The following STRN variants were observed in gnomAD, a reference collection of about 807,000 sequenced individuals.
STRN encodes striatin.
Under a neutral mutation model 96.3 loss-of-function variants are expected in STRN, and 53 were observed. The observed-to-expected ratio is 0.55, with a 90% CI of 0.44 to 0.69. The LOEUF is 0.69. Ranked by LOEUF, STRN falls within the 30% of genes least tolerant of loss-of-function variation. The pLI is 0.00. For synonymous variants in STRN, 428 were observed against 355.9 expected (o/e 1.20, Z -2.28); for missense variants, 987 against 963.9 (o/e 1.02, Z -0.32).
At chr2:36,902,785 C>T in intron 4 of STRN, 34 bp from the exon 5 acceptor site, 2 of 1,526,184 alleles carry the variant, frequency 1.3e-6, no homozygotes, top group African/African-American at 1.4e-5. Flanking sequence ...TTCAGTCATA[C>T]TGGAATCAGT....
chr2:36,882,938 A>G (rs1211181896), intron 9 of STRN, among the ~76,000 whole-genome samples: 1 of 152,218 alleles, frequency 6.6e-6, no homozygotes. Flanking sequence ...TGTGTCTAAA[A>G]GAAAGAACTG....
chr2:36,893,156 T>A (rs1269650116), intron 7 of STRN, among the ~76,000 whole-genome samples: 1 of 152,126 alleles, frequency 6.6e-6, no homozygotes, highest in Non-Finnish European at 1.5e-5. Flanking sequence ...ACATAGCAGA[T>A]CCTGCTGCTG....
intron 3 of STRN, 31 bp from the exon 4 acceptor site, chr2:36,905,649 CTTGTT>C: frequency 6.3e-7 from 1 of 1,588,724 alleles, no homozygotes; most frequent in Non-Finnish European, 8.6e-7. Context: ...ATAAAACTGA[CTTGTT>C]TTACGTATTA....
In STRN at chr2:36,847,949, T is replaced by C. The variant is rs946604152; in HGVS notation, c.*1507A>G. On this transcript the variant is annotated 3_prime_UTR_variant, in exon 18 of 18. Coordinates refer to ENST00000263918, the MANE Select transcript of STRN (RefSeq NM_003162.4). ...TATTTATATGTTTTTTGGTGGAAAG[T>C]TGGACGTTAATAATTTATTTCCAAT... The C allele has an allele frequency of 1.5e-4, 23 of 152,218 alleles. No individual in the cohort carries two copies. The highest frequency in any genetic ancestry group is 5.3e-4 in the African/African-American group (22 of 41,456). The allele number at this position is 152,218 out of a possible 1,614,324, so 9.4% of individuals were successfully genotyped here. A position where few individuals can be genotyped will look rare whatever the true frequency, so the allele number is the denominator to read the frequency against.
At position 36,888,949 on chromosome 2, in the gene STRN, G is replaced by A. The variant is rs112477776; in HGVS notation, c.932-2123C>T. On this transcript the variant is annotated intron_variant, in intron 7 of 17. Transcript: ENST00000263918. ...TCTTCCCACCTCAGCCTCCCAAAGT[G>A]CTGGGATTACAGGCATGAGCCACTG... 2.2e-3 allele frequency among the ~76,000 whole-genome samples: 339 copies of A among 152,226 alleles called. 1 individual carries two copies. The highest frequency in any genetic ancestry group is 7.5e-3 in the African/African-American group (310 of 41,536).
At chr2:36,872,869 C>CA (rs1668798144) in intron 10 of STRN, among the ~76,000 whole-genome samples, 1 of 152,042 alleles carries the variant, frequency 6.6e-6, no homozygotes, top group Non-Finnish European at 1.5e-5. Flanking sequence ...AAAAAACAGA[C>CA]AAAAAATACT....
intron 1 of STRN, among the ~76,000 whole-genome samples, chr2:36,955,012 T>C (rs1664849654): frequency 6.6e-6 from 1 of 152,202 alleles, no homozygotes; most frequent in East Asian, 1.9e-4. Flanking sequence ...TACTATACCG[T>C]TTCACTAAAT....
chr2:36,855,447 T>G, intron 14 of STRN, 95 bp from the exon 15 acceptor site: 1 of 1,310,014 alleles, frequency 7.6e-7, no homozygotes, highest in East Asian at 2.4e-5. Flanking sequence ...ATGGTTTCCT[T>G]AAGAAGTAAA....
intron 2 of STRN, among the ~76,000 whole-genome samples, chr2:36,917,533 A>G (rs1670136399): frequency 6.8e-6 from 1 of 146,622 alleles, no homozygotes; most frequent in South Asian, 2.1e-4. Context: ...CAAAAACAAA[A>G]AAAAGAAAAA....
At chr2:36,952,057 A>G (rs997233700) in intron 1 of STRN, among the ~76,000 whole-genome samples, 9 of 151,222 alleles carry the variant, frequency 6.0e-5, no homozygotes, top group African/African-American at 1.9e-4. Context: ...ACACGCACGC[A>G]CACACACACA....
chr2:36,957,744 C>T (rs113964105), intron 1 of STRN, among the ~76,000 whole-genome samples: 21,405 of 89,100 alleles, frequency 0.24, 2,637 homozygotes, highest in Non-Finnish European at 0.28. Flanking sequence ...TTCTTTTTGT[C>T]TTTTTTTTTT....
chr2:36,856,312 CTAAG>C (rs2148131146), intron 14 of STRN, among the ~76,000 whole-genome samples: 1 of 152,308 alleles, frequency 6.6e-6, no homozygotes, highest in African/African-American at 2.4e-5. Flanking sequence ...CCCAGCAATT[CTAAG>C]TCTCTACACA....
intron 6 of STRN, among the ~76,000 whole-genome samples, chr2:36,894,550 T>C (rs1409390110): frequency 5.3e-5 from 8 of 152,200 alleles, no homozygotes; most frequent in Non-Finnish European, 5.9e-5. Context: ...AGGGACAATT[T>C]TTGTGATCTA....
intron 11 of STRN, among the ~76,000 whole-genome samples, chr2:36,868,147 A>G (rs1393795603): frequency 6.6e-6 from 1 of 152,226 alleles, no homozygotes; most frequent in Non-Finnish European, 1.5e-5. Context: ...TGAGCTTTGA[A>G]GAGATAAATT....
In STRN at chr2:36,845,987, CCCCCTCCCCA is replaced by C. The variant is rs1668065312; in HGVS notation, c.*3459_*3468del. On this transcript the variant is annotated 3_prime_UTR_variant, in exon 18 of 18. Transcript: ENST00000263918. ...CTCTCTCTCTGTGCCCCCCCTCCCA[CCCCCTCCCCA>C]AACTCAATCTTCATCCTCACTGTAA... 8.4e-6 allele frequency: 1 copy of C among 119,266 alleles called. No individual in the cohort carries two copies. 7.4% of individuals were successfully genotyped at this position (119,266 alleles called of 1,614,324 possible). A position where few individuals can be genotyped will look rare whatever the true frequency, so the allele number is the denominator to read the frequency against.
intron 14 of STRN, 116 bp from the exon 15 acceptor site, chr2:36,855,468 C>T (rs1668321600): frequency 9.7e-7 from 1 of 1,030,246 alleles, no homozygotes; most frequent in Non-Finnish European, 1.4e-6. Flanking sequence ...CAAGGCTTAC[C>T]ATTAGAATAA....
rs1338221162 is a variant in STRN, at chr2:36,838,720, G to A, written c.*10736C>T. ...CTCAATGCAGCAATCCTACTCCAGG[G>A]AATCTATTCCGCAGACGTAAAACCA... On this transcript the variant is annotated 3_prime_UTR_variant, in exon 18 of 18. Coordinates refer to ENST00000263918, the MANE Select transcript of STRN (RefSeq NM_003162.4). Among the ~76,000 whole-genome samples, 4 of 152,054 alleles carry A rather than the reference G, an allele frequency of 2.6e-5. No homozygotes were observed. The highest frequency in any genetic ancestry group is 2.6e-4 in the Admixed American group (4 of 15,260).
chr2:36,879,136 T>G (rs1669000579), intron 9 of STRN, among the ~76,000 whole-genome samples: 1 of 151,898 alleles, frequency 6.6e-6, no homozygotes, highest in African/African-American at 2.4e-5. Flanking sequence ...ACTGGCATGA[T>G]CTCAGCTTAC....
In STRN at chr2:36,851,086, A is replaced by G; in HGVS notation, c.2000T>C (p.Ile667Thr). ...AGTAGGATGACTGATGACTCTATTT[A>G]TTTGGCAGGAAGAGTTGGCTGCTAA... is the stretch of plus-strand genomic sequence containing the variant. The part of the protein sequence containing the change: ...VDTTANSSCQ[I>T]NRVISHPTLP... Residue 667 changes from isoleucine to threonine, a missense_variant, in exon 16 of 18, where the codon ATA becomes ACA. Transcript: ENST00000263918. 1.9e-6 allele frequency: 3 copies of G among 1,613,448 alleles called. No homozygotes were observed. Among genetic ancestry groups the G allele is most frequent in the Non-Finnish European group, 2.5e-6 (3 of 1,179,780 alleles).
Sources: allele counts gnomAD v4.1 joint callset (sites outside exome capture counted in the v4.1 genomes callset), GRCh38; gene constraint gnomAD v4.1.1; transcripts MANE v1.5; gene names NCBI Gene and HGNC (gene_info 2026-07-23, HGNC 2026-07-21).